Variants in CNTN5 observed in about 807,000 individuals in gnomAD.
The protein encoded by CNTN5 is contactin 5.
CNTN5 carries 77 observed loss-of-function variants against 129.1 expected under a neutral mutation model. The observed-to-expected ratio is 0.60, with a 90% CI of 0.50 to 0.72. The LOEUF (loss-of-function observed/expected upper bound fraction) is 0.72, where lower values mean the gene tolerates loss of function less well. CNTN5 is among the 30% of genes least tolerant of loss of function. CNTN5 has a pLI of 0.00. For missense variants in CNTN5, 1,478 were observed against 1,328.8 expected, an observed-to-expected ratio of 1.11 and a Z score of -1.75; for synonymous variants, 509 against 465.6, an observed-to-expected ratio of 1.09 and a Z score of -1.20.
At chr11:99,649,475 C>G (rs78831399) in intron 3 of CNTN5, among the ~76,000 whole-genome samples, 2,306 of 151,762 alleles carry the variant, frequency 0.015, 39 homozygotes, top group Middle Eastern at 0.027. Flanking sequence ...TGGAATAAAT[C>G]TCAGGTATTT....
At chr11:99,023,148 G>T in intron 1 of CNTN5, among the ~76,000 whole-genome samples, 1 of 152,162 alleles carries the variant, frequency 6.6e-6, no homozygotes, top group East Asian at 1.9e-4. Flanking sequence ...TCAAGTATTA[G>T]GTGGTCTGAA....
At chr11:100,033,558 T>A (rs1340835876) in intron 9 of CNTN5, among the ~76,000 whole-genome samples, 1 of 152,176 alleles carries the variant, frequency 6.6e-6, no homozygotes, top group Non-Finnish European at 1.5e-5. Context: ...TGAACTACAG[T>A]ACATGGTCCA....
intron 1 of CNTN5, among the ~76,000 whole-genome samples, chr11:99,219,984 T>G (rs923530252): frequency 3.3e-5 from 5 of 151,980 alleles, no homozygotes; most frequent in African/African-American, 1.2e-4. Context: ...TTGGGCTCAT[T>G]TGGAATCATT....
At chr11:99,187,981 G>C (rs148443611) in intron 1 of CNTN5, among the ~76,000 whole-genome samples, 2 of 151,670 alleles carry the variant, frequency 1.3e-5, no homozygotes, top group East Asian at 3.9e-4. Flanking sequence ...AAATGCATGA[G>C]CAAATGAAAA....
chr11:99,336,926 A>C (rs1235430721), intron 2 of CNTN5, among the ~76,000 whole-genome samples: 2 of 152,222 alleles, frequency 1.3e-5, no homozygotes, highest in African/African-American at 4.8e-5. Context: ...ACAATAGTAA[A>C]AGGGAAACAT....
At chr11:99,666,406 A>G (rs1952794887) in intron 3 of CNTN5, among the ~76,000 whole-genome samples, 1 of 152,198 alleles carries the variant, frequency 6.6e-6, no homozygotes, top group Non-Finnish European at 1.5e-5. Flanking sequence ...ACTGTTAGAA[A>G]TGAGCAAAGA....
intron 1 of CNTN5, among the ~76,000 whole-genome samples, chr11:99,122,665 A>T (rs1858404405): frequency 6.6e-6 from 1 of 151,950 alleles, no homozygotes; most frequent in Non-Finnish European, 1.5e-5. Context: ...ATAGTACCTG[A>T]TAGGTTTATT....
intron 2 of CNTN5, among the ~76,000 whole-genome samples, chr11:99,532,536 C>T (rs757915285): frequency 4.6e-5 from 7 of 152,126 alleles, no homozygotes; most frequent in Non-Finnish European, 7.3e-5. Flanking sequence ...CATGTCTCCA[C>T]TCAAATCTCA....
chr11:99,313,066 T>C (rs898622274), intron 1 of CNTN5, among the ~76,000 whole-genome samples: 5 of 151,896 alleles, frequency 3.3e-5, no homozygotes, highest in African/African-American at 1.2e-4. Context: ...ATAGACAGAT[T>C]AGCCTTCCTC....
In CNTN5 at chr11:99,699,858, C is replaced by T. The variant is rs529546807; in HGVS notation, c.56-119686C>T. ...TCTGCTAACTTTACATAATAGGTCC[C>T]TATTGCTAAGACCTCACAGCATTTC... is the stretch of plus-strand genomic sequence containing the variant. On this transcript the variant is annotated intron_variant, in intron 3 of 24. Transcript: ENST00000524871. Among the ~76,000 whole-genome samples the T allele has an allele frequency of 1.5e-3, 232 of 151,408 alleles. 1 individual carries two copies. Among genetic ancestry groups the T allele is most frequent in the African/African-American group, 5.5e-3 (227 of 41,448 alleles).
At chr11:99,946,166 T>C (rs1259006600) in intron 7 of CNTN5, among the ~76,000 whole-genome samples, 4 of 152,164 alleles carry the variant, frequency 2.6e-5, no homozygotes, top group Non-Finnish European at 5.9e-5. Flanking sequence ...CTGGTTTGTA[T>C]TCTTGAAATT....
intron 1 of CNTN5, among the ~76,000 whole-genome samples, chr11:99,107,584 C>A (rs749817421): frequency 2.0e-5 from 3 of 151,842 alleles, no homozygotes; most frequent in Non-Finnish European, 2.9e-5. Context: ...TTAATATTTG[C>A]AATGAGCTTA....
intron 3 of CNTN5, among the ~76,000 whole-genome samples, chr11:99,786,746 A>G (rs1193481197): frequency 1.3e-5 from 2 of 152,274 alleles, no homozygotes; most frequent in East Asian, 3.9e-4. Flanking sequence ...CCAAAACCAG[A>G]AATGGAGAAA....
intron 8 of CNTN5, among the ~76,000 whole-genome samples, chr11:99,996,915 C>G (rs1481201484): frequency 6.6e-6 from 1 of 152,118 alleles, no homozygotes; most frequent in Non-Finnish European, 1.5e-5. Flanking sequence ...CATCTTCCAC[C>G]AGGTCCCTCC....
intron 1 of CNTN5, among the ~76,000 whole-genome samples, chr11:99,107,180 T>C (rs905375420): frequency 2.0e-5 from 3 of 152,150 alleles, no homozygotes; most frequent in Non-Finnish European, 4.4e-5. Flanking sequence ...GCCCCTAGCA[T>C]ATTGAAGAAT....
At chr11:100,090,808 A>C (rs923882943) in intron 13 of CNTN5, among the ~76,000 whole-genome samples, 1 of 151,804 alleles carries the variant, frequency 6.6e-6, no homozygotes, top group African/African-American at 2.4e-5. Context: ...TTACCACAGA[A>C]ATAAAATCTT....
At chr11:99,151,056 G>T (rs2135487673) in intron 1 of CNTN5, among the ~76,000 whole-genome samples, 1 of 152,184 alleles carries the variant, frequency 6.6e-6, no homozygotes, top group African/African-American at 2.4e-5. Context: ...CGGGATCAGG[G>T]TTCAATGACA....
At chr11:99,382,832 T>C (rs768868853) in intron 2 of CNTN5, among the ~76,000 whole-genome samples, 2 of 137,222 alleles carry the variant, frequency 1.5e-5, no homozygotes, top group Non-Finnish European at 3.1e-5. Flanking sequence ...ATCTCACTAG[T>C]GTCTCTAAAT....
At chr11:99,325,324 A>G (rs1242258240) in intron 1 of CNTN5, 22 bp from the exon 2 acceptor site, 1 of 152,106 alleles carries the variant, frequency 6.6e-6, no homozygotes, top group Non-Finnish European at 1.5e-5. Flanking sequence ...TTATCACAAT[A>G]GTATATATTA....
Sources: gnomAD v4.1 joint callset for allele counts (sites outside exome capture counted in the v4.1 genomes callset) on GRCh38, gnomAD v4.1.1 for gene constraint, MANE v1.5 for transcripts, NCBI Gene and HGNC (gene_info 2026-07-23, HGNC 2026-07-21) for gene names.